The following CFAP44 variants were observed in gnomAD, a reference collection of about 807,000 sequenced individuals.
The protein encoded by CFAP44 is cilia- and flagella-associated protein 44.
In CFAP44, 134 loss-of-function variants were observed where a neutral mutation model predicts 216.2. The ratio of observed to expected loss-of-function variants is 0.62; its 90% CI spans 0.54 to 0.72. The LOEUF (loss-of-function observed/expected upper bound fraction) is 0.72. Among genes scored for constraint, CFAP44 ranks in the 30% least tolerant of loss-of-function variants. CFAP44 has a pLI of 0.00. For synonymous variants in CFAP44, 700 were observed against 727.6 expected, an observed-to-expected ratio of 0.96 and a Z score of 0.61; for missense variants, 2,035 against 2,182.1, an observed-to-expected ratio of 0.93 and a Z score of 1.34.
intron 26 of CFAP44, among the ~76,000 whole-genome samples, 161 bp downstream of exon 26, chr3:113,330,007 A>G (rs1950226978): frequency 6.6e-6 from 1 of 152,302 alleles, no homozygotes. Flanking sequence ...CAGAAGGCCA[A>G]GGATGGGGAG....
chr3:113,406,837 C>A, intron 8 of CFAP44, 90 bp downstream of exon 8: 2 of 768,436 alleles, frequency 2.6e-6, no homozygotes, highest in Non-Finnish European at 4.3e-6. Flanking sequence ...CTGTTATTGG[C>A]AGAGCTTGTT....
intron 18 of CFAP44, among the ~76,000 whole-genome samples, chr3:113,372,120 C>A (rs1384381141): frequency 6.6e-6 from 1 of 152,208 alleles, no homozygotes; most frequent in African/African-American, 2.4e-5. Context: ...AATGCTTTTA[C>A]ACTGCTGGTG....
At chr3:113,297,767 T>A (rs1248520093) in intron 32 of CFAP44, among the ~76,000 whole-genome samples, 1 of 152,246 alleles carries the variant, frequency 6.6e-6, no homozygotes, top group African/African-American at 2.4e-5. Flanking sequence ...AAACATAATC[T>A]TGTAACAGGA....
intron 34 of CFAP44, among the ~76,000 whole-genome samples, chr3:113,292,790 C>G (rs1949843441): frequency 6.6e-6 from 1 of 152,254 alleles, no homozygotes; most frequent in Non-Finnish European, 1.5e-5. Flanking sequence ...TTCTCCCTTG[C>G]TCACTTTTAT....
At chr3:113,339,333 C>T (rs1335746521) in intron 24 of CFAP44, among the ~76,000 whole-genome samples, 1 of 152,200 alleles carries the variant, frequency 6.6e-6, no homozygotes, top group Non-Finnish European at 1.5e-5. Context: ...AGAGGCAGCC[C>T]TCATTCCTTT....
intron 22 of CFAP44, among the ~76,000 whole-genome samples, chr3:113,346,419 C>G (rs1371561193): frequency 6.6e-6 from 1 of 151,578 alleles, no homozygotes. Context: ...AATCAGCACT[C>G]TGTAAAAAAG....
chr3:113,440,716 C>T (rs982385092), intron 1 of CFAP44, among the ~76,000 whole-genome samples: 1 of 152,172 alleles, frequency 6.6e-6, no homozygotes, highest in Non-Finnish European at 1.5e-5. Context: ...CCTCTAATGG[C>T]TCATCACTGC....
intron 18 of CFAP44, among the ~76,000 whole-genome samples, chr3:113,371,556 T>C (rs1933164375): frequency 6.6e-6 from 1 of 152,196 alleles, no homozygotes; most frequent in South Asian, 2.1e-4. Context: ...GATCCCTTCC[T>C]TACACCATAT....
At chr3:113,376,620 G>A (rs555250509) in intron 17 of CFAP44, among the ~76,000 whole-genome samples, 18 of 152,250 alleles carry the variant, frequency 1.2e-4, no homozygotes, top group South Asian at 8.3e-4. Flanking sequence ...TAAATGTTCC[G>A]AAAAGTCAAA....
intron 33 of CFAP44, among the ~76,000 whole-genome samples, chr3:113,296,056 C>T (rs1317472763): frequency 6.6e-5 from 10 of 152,198 alleles, no homozygotes; most frequent in Non-Finnish European, 8.8e-5. Context: ...CCCCCACCAT[C>T]CTCCCCGCTG....
rs185066981 is a variant in CFAP44 at position 113,341,901 on chromosome 3, G to T, written c.3280C>A (p.Gln1094Lys). Residue 1094 changes from glutamine (Q) to lysine (K), a missense_variant, in exon 24 of 35, where the codon CAA (glutamine) becomes AAA (lysine). Transcript: ENST00000393845. ...CCTTTTTCTATTATTGATTCTTCTT[G>T]TATGGTAACACTCCCACCTACATAG... ...QRDAGGSVTI[Q>K]EESIIEKGKK... 7 of 1,528,892 alleles carry T rather than the reference G, an allele frequency of 4.6e-6. No homozygotes were observed. The Admixed American group carries it at 1.4e-4, about 31-fold the overall frequency. The allele number at this position is 1,528,892 out of a possible 1,614,324, so 94.7% of individuals were successfully genotyped here. A position where few individuals can be genotyped will look rare whatever the true frequency, so the allele number is the denominator to read the frequency against.
At chr3:113,321,952 A>G (rs1378551743) in intron 28 of CFAP44, among the ~76,000 whole-genome samples, 3 of 152,220 alleles carry the variant, frequency 2.0e-5, no homozygotes, top group Non-Finnish European at 2.9e-5. Context: ...AAAGCAATAT[A>G]CAGATTCAAT....
intron 28 of CFAP44, among the ~76,000 whole-genome samples, chr3:113,318,568 T>C (rs1448445588): frequency 1.3e-5 from 2 of 151,808 alleles, no homozygotes; most frequent in Non-Finnish European, 2.9e-5. Flanking sequence ...ACTCAAGAAA[T>C]ACAAAGAGCC....
At chr3:113,384,992 G>A (rs931267863) in intron 15 of CFAP44, among the ~76,000 whole-genome samples, 3 of 152,194 alleles carry the variant, frequency 2.0e-5, no homozygotes, top group Admixed American at 1.3e-4. Flanking sequence ...TGTCATGGGA[G>A]GGACCTGGTG....
chr3:113,396,461 AT>A (rs1288366958), intron 14 of CFAP44, 56 bp downstream of exon 14: 2 of 1,556,186 alleles, frequency 1.3e-6, no homozygotes, highest in Non-Finnish European at 1.8e-6. Context: ...AGGAGGACTT[AT>A]AAGGCAATTT....
intron 28 of CFAP44, among the ~76,000 whole-genome samples, chr3:113,325,233 G>A (rs1302663442): frequency 3.3e-5 from 5 of 149,836 alleles, no homozygotes; most frequent in East Asian, 2.0e-4. Context: ...ACCCGAGGGC[G>A]GAGCTTGCAG....
intron 28 of CFAP44, among the ~76,000 whole-genome samples, chr3:113,323,160 C>A (rs1038028827): frequency 2.0e-5 from 3 of 152,180 alleles, no homozygotes; most frequent in Non-Finnish European, 4.4e-5. Context: ...TCGGTAGGGA[C>A]ACAGCCAAAC....
intron 24 of CFAP44, among the ~76,000 whole-genome samples, chr3:113,336,724 T>C (rs1576554408): frequency 6.6e-6 from 1 of 152,104 alleles, no homozygotes; most frequent in South Asian, 2.1e-4. Context: ...ACATTAAACA[T>C]AAATGGTCTA....
intron 32 of CFAP44, among the ~76,000 whole-genome samples, chr3:113,300,042 G>C (rs1949919446): frequency 6.6e-6 from 1 of 152,104 alleles, no homozygotes; most frequent in South Asian, 2.1e-4. Context: ...AAGAGAGAGA[G>C]GTCTTGTCAT....
Sources: gnomAD v4.1 joint callset for allele counts (sites outside exome capture counted in the v4.1 genomes callset) on GRCh38, gnomAD v4.1.1 for gene constraint, MANE v1.5 for transcripts, NCBI Gene and HGNC (gene_info 2026-07-23, HGNC 2026-07-21) for gene names.